The following SLC39A4 variants were observed in gnomAD, a reference collection of about 807,000 sequenced individuals.
SLC39A4 encodes zinc transporter ZIP4.
Under a neutral mutation model 56.6 loss-of-function variants are expected in SLC39A4, and 49 were observed. The observed-to-expected ratio is 0.87, with a 90% CI of 0.69 to 1.10. The LOEUF is 1.10. Among genes scored for constraint, SLC39A4 ranks in the 50% least tolerant of loss-of-function variants. The probability of loss-of-function intolerance (pLI) is 0.00; values close to 1 mark genes in which losing one functional copy is unlikely to be tolerated. For missense variants in SLC39A4, 993 were observed against 864.2 expected, an observed-to-expected ratio of 1.15 and a Z score of -1.87; for synonymous variants, 540 against 420.4, an observed-to-expected ratio of 1.28 and a Z score of -3.48.
chr8:144,414,513 G>A (rs1822081203), intron 5 of SLC39A4, 79 bp from the exon 6 acceptor site: 6 of 1,542,578 alleles, frequency 3.9e-6, no homozygotes, highest in Admixed American at 3.9e-5. Flanking sequence ...CACCAGAGCT[G>A]CAGGCCGTCA....
chr8:144,413,111 TC>T (rs2130793448), intron 10 of SLC39A4, 125 bp downstream of exon 10: 1 of 1,465,680 alleles, frequency 6.8e-7, no homozygotes, highest in East Asian at 2.5e-5. Flanking sequence ...CCCACCTGTT[TC>T]CGGTCTCCCC....
chr8:144,416,362 G>T, intron 1 of SLC39A4: 1 of 1,458,948 alleles, frequency 6.9e-7, no homozygotes, highest in Non-Finnish European at 9.0e-7. Context: ...AGGGCCGGCA[G>T]GGGGAGTTGG....
chr8:144,414,264 T>C lies in SLC39A4; in HGVS notation c.1147A>G (p.Lys383Glu). ...GTCGCGGGTTTGTGGGGGCAGACCT[T>C]GGGCGTCAGATGCAGGACAGCGTCC... is the stretch of plus-strand genomic sequence containing the variant. ...TGDAVLHLTP[K>E]VLGLHTHSEE... Residue 383 changes from lysine (K) to glutamate (E), a missense_variant and splice_region_variant, in exon 6 of 12, where the codon AAG (lysine) becomes GAG (glutamate). Physicochemically the swap from Lys to Glu is moderately conservative, Grantham distance 56 (BLOSUM62 1). Coordinates refer to ENST00000301305, the MANE Select transcript of SLC39A4 (RefSeq NM_130849.4). 2 of 1,608,442 alleles carry C rather than the reference T, an allele frequency of 1.2e-6. No individual in the cohort carries two copies. The highest frequency in any genetic ancestry group is 1.7e-6 in the Non-Finnish European group (2 of 1,178,596).
chr8:144,412,946 C>T lies in SLC39A4; in HGVS notation c.1628G>A (p.Gly543Glu), dbSNP rs1406030436. 4 of 1,595,094 alleles carry T rather than the reference C, an allele frequency of 2.5e-6. No individual in the cohort carries two copies. Among genetic ancestry groups the T allele is most frequent in the Non-Finnish European group, 3.4e-6 (4 of 1,175,968 alleles). Residue 543 changes from glycine (G) to glutamate (E), a missense_variant and splice_region_variant, in exon 11 of 12, where the codon GGG becomes GAG. Coordinates refer to ENST00000301305, the MANE Select transcript of SLC39A4 (RefSeq NM_130849.4). ...VFCHELPHEL[G>E]DFAALLHAGL... is the part of the protein sequence containing the mutation. ...CGCGTGCAGCAAGGCGGCGAAGTCC[C>T]CTGCGGGCGAGTCCACATTAACAGC... is the stretch of plus-strand genomic sequence containing the variant.
At position 144,415,229 on chromosome 8, in the gene SLC39A4, G is replaced by T; in HGVS notation, c.665C>A (p.Ala222Asp). 1 of 1,612,944 alleles carries T rather than the reference G, an allele frequency of 6.2e-7. No homozygotes were observed. Among genetic ancestry groups the T allele is most frequent in the Middle Eastern group, 1.6e-4 (1 of 6,062 alleles). ...CCACAGCCCAGCCCAGGCCTCACCG[G>T]CCAGCGTCATAGGGACCTCGCTGCT... is the stretch of plus-strand genomic sequence containing the variant. ...QHSSEVPMTL[A>D]ELSALMQRLG... The change falls in exon 3 of 12, where the codon GCC (alanine) becomes GAC (aspartate). Residue 222 changes from alanine (A) to aspartate (D), a missense_variant and splice_region_variant. Physicochemically the swap from Ala to Asp is moderately radical, Grantham distance 126. Transcript: ENST00000301305.
At position 144,412,427 on chromosome 8, in the gene SLC39A4, G is replaced by C; in HGVS notation, c.*111C>G. 6.4e-7 allele frequency: 1 copy of C among 1,559,588 alleles called. No homozygotes were observed. Among genetic ancestry groups the C allele is most frequent in the Non-Finnish European group, 8.8e-7 (1 of 1,133,910 alleles). On this transcript the variant is annotated 3_prime_UTR_variant, in exon 12 of 12. Coordinates refer to ENST00000301305, the MANE Select transcript of SLC39A4 (RefSeq NM_130849.4). ...GCACAGCCATGCTCCAAGGACAAGA[G>C]TGTCTTTACTGGAGTTGGGACTGGG...
chr8:144,412,831 G>A lies in SLC39A4; in HGVS notation c.1743C>T (p.Val581=), dbSNP rs144252108. The part of the protein sequence containing the change: ...AGLYVALAVG[V]SEESEAWILA... ...GGATCCAGGCCTCGCTCTCCTCGCT[G>A]ACTCCAACCGCGAGTGCCACGTAGA... The change falls in exon 11 of 12, where the codon GTC becomes GTT. Residue 581 remains valine (V), a synonymous_variant. Coordinates refer to ENST00000301305, the MANE Select transcript of SLC39A4 (RefSeq NM_130849.4). 4.8e-4 allele frequency: 768 copies of A among 1,612,950 alleles called. 2 individuals carry two copies. The highest frequency in any genetic ancestry group is 2.4e-3 in the African/African-American group (178 of 75,048).
chr8:144,415,300 G>C lies in SLC39A4; in HGVS notation c.594C>G (p.Ala198=). ...CCACGAAGTACTGAGGGCTCGGCAA[G>C]GCGTGGAAGCAAGACCCGCTCCTGA... is the stretch of plus-strand genomic sequence containing the variant. The part of the protein sequence containing the change: ...DHVRSGSCFH[A]LPSPQYFVDF... Residue 198 remains alanine, a synonymous_variant, in exon 3 of 12, where the codon GCC becomes GCG. Transcript: ENST00000301305. 1 of 1,613,204 alleles carries C rather than the reference G, an allele frequency of 6.2e-7. No individual in the cohort carries two copies. Among genetic ancestry groups the C allele is most frequent in the Non-Finnish European group, 8.5e-7 (1 of 1,179,852 alleles).
chr8:144,415,903 CAGGAGGTGGTCTGCATGAGA>C lies in SLC39A4; in HGVS notation c.361_380del (p.Ser121GlyfsTer113). ...GGGCCTTGGGGCTCTCGAGCAGGGCCAGGAGGTGGTCTGCATGAGAGGCCCAGAGGCCAGCCCGAGCGTCC... is the reference window on the plus strand; with the variant it reads ...GGGCCTTGGGGCTCTCGAGCAGGGCCGGCCCAGAGGCCAGCCCGAGCGTCC... On this transcript the variant is annotated frameshift_variant, in exon 2 of 12. Coordinates refer to ENST00000301305, the MANE Select transcript of SLC39A4 (RefSeq NM_130849.4). LOFTEE classifies it high-confidence loss of function. 1 of 1,596,226 alleles carries C rather than the reference CAGGAGGTGGTCTGCATGAGA, an allele frequency of 6.3e-7. No individual in the cohort carries two copies.
At chr8:144,414,518 C>A in intron 5 of SLC39A4, 84 bp from the exon 6 acceptor site, 1 of 1,540,866 alleles carries the variant, frequency 6.5e-7, no homozygotes, top group Non-Finnish European at 8.8e-7. Context: ...GAGCTGCAGG[C>A]CGTCAGTGTG....
intron 2 of SLC39A4, 57 bp from the exon 3 acceptor site, chr8:144,415,476 C>T (rs1018628251): frequency 7.5e-5 from 114 of 1,524,106 alleles, no homozygotes; most frequent in East Asian, 9.7e-5. Context: ...CCATCCACCC[C>T]GCTGCCCCTG....
intron 1 of SLC39A4, 28 bp from the exon 2 acceptor site, chr8:144,416,119 C>T (rs781947798): frequency 1.4e-5 from 23 of 1,599,426 alleles, no homozygotes; most frequent in Admixed American, 5.1e-5. Context: ...TGAGCAGGGG[C>T]GCTGGGCCCA....
chr8:144,414,883 G>C lies in SLC39A4; in HGVS notation c.818C>G (p.Ala273Gly). Residue 273 changes from alanine to glycine, a missense_variant, in exon 5 of 12, where the codon GCC (alanine) becomes GGC (glycine). By Grantham distance (60) the Ala-to-Gly change is moderately conservative. Coordinates refer to ENST00000301305, the MANE Select transcript of SLC39A4 (RefSeq NM_130849.4). ...SSVWDTVCLSARDVMAAYGLS... is the reference protein window; with the variant it reads ...SSVWDTVCLSGRDVMAAYGLS... ...TCCATATGCAGCCATCACGTCCCTG[G>C]CACTCAGGCATACCTGGGGGGTGGC... The C allele has an allele frequency of 6.2e-7, 1 of 1,613,268 alleles. No individual in the cohort carries two copies. The highest frequency in any genetic ancestry group is 8.5e-7 in the Non-Finnish European group (1 of 1,179,930).
chr8:144,415,160 GC>G (rs782284880), intron 3 of SLC39A4, 50 bp from the exon 4 acceptor site: 2 of 1,612,730 alleles, frequency 1.2e-6, no homozygotes, highest in African/African-American at 1.3e-5. Flanking sequence ...CTCCGGCCCT[GC>G]CCCCCAGGGA....
At position 144,416,137 on chromosome 8, in the gene SLC39A4, G is replaced by A. The variant is rs781838469; in HGVS notation, c.193-46C>T. On this transcript the variant is annotated intron_variant, in intron 1 of 11. Transcript: ENST00000301305. ...GCAGGGGCGCTGGGCCCACCAGGGA[G>A]GGGAGAGGCAGGCCTGGCCAGGGGC... The A allele has an allele frequency of 9.4e-6, 15 of 1,598,586 alleles. No individual in the cohort carries two copies. In the African/African-American group the frequency reaches 1.9e-4, roughly 20 times the overall value.
Position 144,414,263 on chromosome 8 carries a change from T to G in SLC39A4, c.1148A>C (p.Lys383Thr). 1 of 1,608,260 alleles carries G rather than the reference T, an allele frequency of 6.2e-7. No homozygotes were observed. Among genetic ancestry groups the G allele is most frequent in the Non-Finnish European group, 8.5e-7 (1 of 1,178,556 alleles). Residue 383 changes from lysine (K) to threonine (T), a missense_variant and splice_region_variant, in exon 6 of 12, where the codon AAG becomes ACG. Physicochemically the swap from Lys to Thr is moderately conservative, Grantham distance 78. Coordinates refer to ENST00000301305, the MANE Select transcript of SLC39A4 (RefSeq NM_130849.4). The part of the protein sequence containing the change: ...TGDAVLHLTP[K>T]VLGLHTHSEE... ...GGTCGCGGGTTTGTGGGGGCAGACC[T>G]TGGGCGTCAGATGCAGGACAGCGTC...
At chr8:144,414,636 C>T in intron 5 of SLC39A4, 89 bp downstream of exon 5, 1 of 1,571,322 alleles carries the variant, frequency 6.4e-7, no homozygotes, top group Non-Finnish European at 8.6e-7. Flanking sequence ...TGCTCACTCT[C>T]TCCATCCCTC....
chr8:144,415,135 G>GCAGGGCCA, intron 3 of SLC39A4, 25 bp from the exon 4 acceptor site: 1 of 1,612,538 alleles, frequency 6.2e-7, no homozygotes. Flanking sequence ...AGTTGGCACC[G>GCAGGGCCA]CGAGTCTGTG....
chr8:144,416,150 C>G (rs782556803), intron 1 of SLC39A4, 59 bp from the exon 2 acceptor site: 1 of 1,596,260 alleles, frequency 6.3e-7, no homozygotes, highest in Non-Finnish European at 8.5e-7. Context: ...GAGAGGCAGG[C>G]CTGGCCAGGG....
Sources: allele counts gnomAD v4.1 joint callset, GRCh38; gene constraint gnomAD v4.1.1; transcripts MANE v1.5; gene names NCBI Gene and HGNC (gene_info 2026-07-23, HGNC 2026-07-21).